The following PER2 variants were observed in gnomAD, a reference collection of about 807,000 sequenced individuals.
PER2 encodes the protein period circadian regulator 2.
In PER2, 66 loss-of-function variants were observed where a neutral mutation model predicts 121.0. The ratio of observed to expected loss-of-function variants is 0.55; its 90% CI spans 0.45 to 0.67. The LOEUF (loss-of-function observed/expected upper bound fraction) is 0.67. Among genes scored for constraint, PER2 ranks in the 30% least tolerant of loss-of-function variants. The pLI, the probability that PER2 is intolerant of heterozygous loss-of-function variation, is 0.00. For synonymous variants in PER2, 684 were observed against 659.9 expected, an observed-to-expected ratio of 1.04 and a Z score of -0.56; for missense variants, 1,521 against 1,635.0, an observed-to-expected ratio of 0.93 and a Z score of 1.20.
chr2:238,298,200 A>G, the PER2 span, among the ~76,000 whole-genome samples: 1 of 151,830 alleles, frequency 6.6e-6, no homozygotes, highest in Non-Finnish European at 1.5e-5. Flanking sequence ...ACGCCCGGCT[A>G]ATTTTTTGTA....
chr2:238,249,814 GTGCTCTTTTCC>G (rs1695550312), intron 21 of PER2, among the ~76,000 whole-genome samples: 1 of 152,212 alleles, frequency 6.6e-6, no homozygotes, highest in South Asian at 2.1e-4. Context: ...TCCTTCGCTT[GTGCTCTTTTCC>G]TGCTGCCTTG....
At chr2:238,257,227 G>T in intron 16 of PER2, 141 bp from the exon 17 acceptor site, 1 of 673,574 alleles carries the variant, frequency 1.5e-6, no homozygotes, top group Non-Finnish European at 2.5e-6. Flanking sequence ...AGATGCTCTG[G>T]CCCAGGCATG....
intron 1 of PER2, among the ~76,000 whole-genome samples, chr2:238,279,790 G>A (rs1229697350): frequency 6.6e-6 from 1 of 152,176 alleles, no homozygotes; most frequent in African/African-American, 2.4e-5. Context: ...AGCAGCCCTA[G>A]AAGTCCCGAA....
chr2:238,294,065 C>G (rs1315910445), upstream of PER2, among the ~76,000 whole-genome samples: 1 of 152,206 alleles, frequency 6.6e-6, no homozygotes, highest in Non-Finnish European at 1.5e-5. Context: ...CAAGGTGATG[C>G]CCCCTGTCTG....
chr2:238,246,634 T>G, intron 22 of PER2, 110 bp from the exon 23 acceptor site: 1 of 700,272 alleles, frequency 1.4e-6, no homozygotes, highest in Non-Finnish European at 2.5e-6. Context: ...CCCAGCACTT[T>G]GGGAGGCCGA....
At chr2:238,266,159 T>C (rs12474243) in intron 8 of PER2, among the ~76,000 whole-genome samples, 24 of 151,742 alleles carry the variant, frequency 1.6e-4, no homozygotes, top group African/African-American at 3.9e-4. Flanking sequence ...CACCTTGGCC[T>C]CCCAAAGTGC....
Position 238,260,048 on chromosome 2 carries a change from A to G in PER2, c.1548T>C (p.Ile516=). The change falls in exon 14 of 23, where the codon ATT becomes ATC. Residue 516 remains isoleucine (I), a synonymous_variant. Coordinates refer to ENST00000254657, the MANE Select transcript of PER2 (RefSeq NM_022817.3). ...HEDSRRRRAE[I]CKNGNKTKNR... Reference sequence around the variant, plus strand: ...TTTTGGTCTTGTTACCATTTTTACAAATTTCCTTGAAGAAAAACAAAATGA... The same window carrying G: ...TTTTGGTCTTGTTACCATTTTTACAGATTTCCTTGAAGAAAAACAAAATGA... 5 of 1,420,216 alleles carry G rather than the reference A, an allele frequency of 3.5e-6. No homozygotes were observed. The highest frequency in any genetic ancestry group is 4.9e-6 in the Non-Finnish European group (5 of 1,011,406). The allele number at this position is 1,420,216 out of a possible 1,614,324, so 88.0% of individuals were successfully genotyped here.
intron 5 of PER2, 151 bp from the exon 6 acceptor site, chr2:238,271,664 C>T: frequency 1.5e-6 from 1 of 681,736 alleles, no homozygotes; most frequent in Non-Finnish European, 2.7e-6. Context: ...ACCAAAAAAT[C>T]CTATCTTGCC....
At chr2:238,250,339 G>A (rs1039973311) in intron 21 of PER2, among the ~76,000 whole-genome samples, 3 of 152,248 alleles carry the variant, frequency 2.0e-5, no homozygotes, top group Non-Finnish European at 2.9e-5. Context: ...ACATGGCCCC[G>A]GCTTATCCTG....
At chr2:238,283,141 G>A (rs1696679416) in intron 1 of PER2, among the ~76,000 whole-genome samples, 1 of 152,228 alleles carries the variant, frequency 6.6e-6, no homozygotes, top group Admixed American at 6.5e-5. Flanking sequence ...TTGCTGGACA[G>A]GAGGCAAGGA....
chr2:238,275,414 C>G (rs1406400356), intron 4 of PER2, among the ~76,000 whole-genome samples: 1 of 152,218 alleles, frequency 6.6e-6, no homozygotes, highest in Non-Finnish European at 1.5e-5. Flanking sequence ...CCAGGCCAGG[C>G]ACAGTGGCTC....
chr2:238,277,295 G>C (rs1266362221), intron 2 of PER2, 102 bp from the exon 3 acceptor site: 2 of 831,064 alleles, frequency 2.4e-6, no homozygotes, highest in Non-Finnish European at 4.2e-6. Flanking sequence ...TAATACCATG[G>C]TAAGACAATT....
chr2:238,278,741 A>G (rs1393826165), intron 1 of PER2, among the ~76,000 whole-genome samples: 1 of 152,148 alleles, frequency 6.6e-6, no homozygotes, highest in Non-Finnish European at 1.5e-5. Context: ...CTTGCCGGGT[A>G]AAGAGGGCAG....
intron 22 of PER2, among the ~76,000 whole-genome samples, chr2:238,248,313 C>A (rs993441507): frequency 6.6e-6 from 1 of 152,168 alleles, no homozygotes; most frequent in African/African-American, 2.4e-5. Context: ...AGAGCAGCTT[C>A]CACGGTATGT....
rs535490387 is a variant in PER2 at position 238,261,986 on chromosome 2, C to G, written c.1308-149G>C. The G allele has an allele frequency of 1.4e-4, 101 of 740,006 alleles. No individual in the cohort carries two copies. The South Asian group carries it at 1.6e-3, about 12-fold the overall frequency. The allele number at this position is 740,006 out of a possible 1,614,324, so 45.8% of individuals were successfully genotyped here. A position where few individuals can be genotyped will look rare whatever the true frequency, so the allele number is the denominator to read the frequency against. On this transcript the variant is annotated intron_variant, in intron 11 of 22. Transcript: ENST00000254657. ...GGCTGCTGCCTGTCCACTCCCTACT[C>G]TGCTTGAATGAGGTCCCTCCCACTT...
rs201421981 is a variant in PER2, at chr2:238,261,699, G to A, written c.1416+30C>T. On this transcript the variant is annotated intron_variant, in intron 12 of 22. Transcript: ENST00000254657. ...GCAGGGGGCTCTCAGGCTGCTACCT[G>A]GGAGGAGGACATGCAGGCACCACAC... 9.1e-6 allele frequency: 13 copies of A among 1,430,920 alleles called. No homozygotes were observed. In the East Asian group the frequency reaches 2.7e-4, roughly 30 times the overall value. 88.6% of individuals were successfully genotyped at this position (1,430,920 alleles called of 1,614,324 possible). A position where few individuals can be genotyped will look rare whatever the true frequency, so the allele number is the denominator to read the frequency against.
intron 21 of PER2, among the ~76,000 whole-genome samples, chr2:238,249,967 C>T (rs565341920): frequency 6.6e-6 from 1 of 151,892 alleles, no homozygotes; most frequent in African/African-American, 2.4e-5. Context: ...TATTTCTTTA[C>T]AGCAGTGTGG....
At chr2:238,289,894 CTTACAG>C (rs1696917758), upstream of PER2, 6 of 152,272 alleles carry the variant, frequency 3.9e-5, no homozygotes, top group African/African-American at 1.4e-4. Context: ...AAGCCTGAGA[CTTACAG>C]GACAGGAAGG....
rs555110643 is a variant in PER2, at chr2:238,264,268, C to T, written c.1047-1210G>A. Among the ~76,000 whole-genome samples the T allele has an allele frequency of 8.5e-5, 13 of 152,352 alleles. 2 individuals carry two copies. In the East Asian group the frequency reaches 2.3e-3, roughly 27 times the overall value. ...AGAGGCTGCTTTACATATACGGCCC[C>T]AGGCCCTGCCCTCCAAGATCCTGGT... On this transcript the variant is annotated intron_variant, in intron 9 of 22. Coordinates refer to ENST00000254657, the MANE Select transcript of PER2 (RefSeq NM_022817.3).
Sources: gnomAD v4.1 joint callset for allele counts (sites outside exome capture counted in the v4.1 genomes callset) on GRCh38, gnomAD v4.1.1 for gene constraint, MANE v1.5 for transcripts, NCBI Gene and HGNC (gene_info 2026-07-23, HGNC 2026-07-21) for gene names.